Variants in GRIK1 observed in about 807,000 individuals in gnomAD.
The protein encoded by GRIK1 is glutamate ionotropic receptor kainate type subunit 1, also known as glutamate receptor ionotropic, kainate 1.
In GRIK1, 69 loss-of-function variants were observed where a neutral mutation model predicts 105.7. The ratio of observed to expected loss-of-function variants is 0.65; its 90% CI spans 0.54 to 0.80. The LOEUF (loss-of-function observed/expected upper bound fraction) is 0.80. Among genes scored for constraint, GRIK1 ranks in the 30% least tolerant of loss-of-function variants. GRIK1 has a pLI of 0.00. For synonymous variants in GRIK1, 438 were observed against 431.3 expected, an observed-to-expected ratio of 1.02 and a Z score of -0.19; for missense variants, 1,109 against 1,167.3, an observed-to-expected ratio of 0.95 and a Z score of 0.73.
intron 1 of GRIK1, among the ~76,000 whole-genome samples, chr21:29,765,757 T>C (rs2065646863): frequency 6.6e-6 from 1 of 152,176 alleles, no homozygotes; most frequent in South Asian, 2.1e-4. Flanking sequence ...CACCTGCATG[T>C]TGTCCACCTG....
intron 1 of GRIK1, among the ~76,000 whole-genome samples, chr21:29,712,346 T>C (rs921075447): frequency 2.6e-5 from 4 of 152,124 alleles, no homozygotes; most frequent in African/African-American, 7.2e-5. Context: ...GAATAAATTC[T>C]TGTGAATAAA....
intron 13 of GRIK1, among the ~76,000 whole-genome samples, chr21:29,580,037 GTATA>G (rs1425874999): frequency 2.9e-5 from 4 of 139,712 alleles, no homozygotes; most frequent in Non-Finnish European, 6.1e-5. Context: ...GTATATATGT[GTATA>G]TATGTATATA....
In GRIK1 at chr21:29,628,244, A is replaced by C. The variant is rs2062178566; in HGVS notation, c.1098+14582T>G. On this transcript the variant is annotated intron_variant, in intron 7 of 17. Coordinates refer to ENST00000327783, the MANE Select transcript of GRIK1 (RefSeq NM_001330994.2). ...ATGGTGATGAAAATAAACATTAAGC[A>C]AAGGAAGAAATGATAAACATAACCT... Among the ~76,000 whole-genome samples the C allele has an allele frequency of 2.0e-5, 3 of 152,232 alleles. No individual in the cohort carries two copies. In the South Asian group the frequency reaches 6.2e-4, roughly 32 times the overall value.
intron 7 of GRIK1, among the ~76,000 whole-genome samples, chr21:29,633,404 A>G (rs2062327880): frequency 6.6e-6 from 1 of 152,304 alleles, no homozygotes; most frequent in African/African-American, 2.4e-5. Flanking sequence ...AGGCTGAGGC[A>G]GGAGAATCGC....
At chr21:29,658,409 C>T (rs577150466) in intron 4 of GRIK1, among the ~76,000 whole-genome samples, 8 of 152,172 alleles carry the variant, frequency 5.3e-5, no homozygotes, top group African/African-American at 1.7e-4. Flanking sequence ...ATTACAGGCA[C>T]GTACCGCCAT....
chr21:29,730,931 G>A (rs78060235), intron 1 of GRIK1, among the ~76,000 whole-genome samples: 8,976 of 152,230 alleles, frequency 0.059, 303 homozygotes, highest in African/African-American at 0.067. Context: ...TTTGTAAGCA[G>A]TGATAGCAGC....
chr21:29,879,992 T>C (rs1027278800), intron 1 of GRIK1, among the ~76,000 whole-genome samples: 3 of 152,152 alleles, frequency 2.0e-5, no homozygotes, highest in Non-Finnish European at 2.9e-5. Flanking sequence ...GTTACAGTAA[T>C]AGTTCCCTGA....
intron 1 of GRIK1, among the ~76,000 whole-genome samples, chr21:29,720,795 C>T (rs2064301083): frequency 6.6e-6 from 1 of 152,106 alleles, no homozygotes. Context: ...GGTTTCCATC[C>T]TTATTATGAA....
chr21:29,828,052 A>T (rs551807557), intron 1 of GRIK1, among the ~76,000 whole-genome samples: 92 of 150,066 alleles, frequency 6.1e-4, no homozygotes, highest in Middle Eastern at 3.4e-3. Context: ...TGTCTAATGA[A>T]ACACAGGGTG....
intron 7 of GRIK1, among the ~76,000 whole-genome samples, chr21:29,618,899 G>A (rs919756564): frequency 6.6e-5 from 10 of 152,044 alleles, no homozygotes; most frequent in African/African-American, 2.4e-4. Flanking sequence ...AGGCCGAGGT[G>A]GGCAGATCAC....
intron 1 of GRIK1, among the ~76,000 whole-genome samples, chr21:29,710,461 T>C (rs1328387125): frequency 6.6e-6 from 1 of 152,180 alleles, no homozygotes; most frequent in Non-Finnish European, 1.5e-5. Flanking sequence ...AACTAATCAG[T>C]GTGACTGTGT....
chr21:29,594,492 G>A (rs2061375323), intron 9 of GRIK1, among the ~76,000 whole-genome samples: 1 of 151,552 alleles, frequency 6.6e-6, no homozygotes, highest in Non-Finnish European at 1.5e-5. Flanking sequence ...CCAGTGAGAA[G>A]TAGTGGAGGG....
At chr21:29,903,920 T>C (rs920927402) in intron 1 of GRIK1, among the ~76,000 whole-genome samples, 14 of 152,202 alleles carry the variant, frequency 9.2e-5, no homozygotes, top group Non-Finnish European at 1.9e-4. Flanking sequence ...GTGGCACATA[T>C]ACACCATGGA....
intron 1 of GRIK1, among the ~76,000 whole-genome samples, chr21:29,785,987 T>G (rs1008138930): frequency 5.3e-5 from 8 of 152,144 alleles, no homozygotes; most frequent in African/African-American, 1.9e-4. Context: ...CTCTCCTCTG[T>G]GTGTTTTGGT....
intron 7 of GRIK1, among the ~76,000 whole-genome samples, chr21:29,625,241 A>G (rs1452122131): frequency 6.6e-6 from 1 of 152,226 alleles, no homozygotes; most frequent in Non-Finnish European, 1.5e-5. Context: ...CTTAATGCCT[A>G]AAATGCAATC....
chr21:29,814,188 T>A (rs1362110729), intron 1 of GRIK1, among the ~76,000 whole-genome samples: 2 of 151,388 alleles, frequency 1.3e-5, no homozygotes, highest in African/African-American at 4.9e-5. Context: ...TGACCTCAGA[T>A]GATCCACCTG....
chr21:29,865,027 C>A (rs547667092), intron 1 of GRIK1, among the ~76,000 whole-genome samples: 1 of 152,276 alleles, frequency 6.6e-6, no homozygotes, highest in South Asian at 2.1e-4. Context: ...ATCACTGATG[C>A]CACTCTTGAT....
chr21:29,595,685 A>AT lies in GRIK1; in HGVS notation c.1251+840dup, dbSNP rs200217473. On this transcript the variant is annotated intron_variant, in intron 9 of 17. Coordinates refer to ENST00000327783, the MANE Select transcript of GRIK1 (RefSeq NM_001330994.2). ...TTAAGGTCCATTCATCAGTCCATAG[A>AT]TTTTTTTTACCAAGTAGTTTTAGAG... Among the ~76,000 whole-genome samples the AT allele has an allele frequency of 1.1e-3, 163 of 151,992 alleles. 2 individuals carry two copies. Among genetic ancestry groups the AT allele is most frequent in the Admixed American group, 8.9e-3 (136 of 15,244 alleles).
At chr21:29,555,832 G>T (rs942684405) in intron 15 of GRIK1, among the ~76,000 whole-genome samples, 2 of 152,156 alleles carry the variant, frequency 1.3e-5, no homozygotes, top group African/African-American at 4.8e-5. Flanking sequence ...AAGTCACACA[G>T]CCTTGGACTT....
Sources: gnomAD v4.1 joint callset for allele counts (sites outside exome capture counted in the v4.1 genomes callset) on GRCh38, gnomAD v4.1.1 for gene constraint, MANE v1.5 for transcripts, NCBI Gene and HGNC (gene_info 2026-07-23, HGNC 2026-07-21) for gene names.